FANCI: variants seen among roughly 807,000 people sequenced by gnomAD.
The protein encoded by FANCI is Fanconi anemia group I protein.
Under a neutral mutation model 176.1 loss-of-function variants are expected in FANCI, and 156 were observed. The observed-to-expected ratio is 0.89, with a 90% CI of 0.78 to 1.01. FANCI has a LOEUF of 1.01. FANCI is among the 50% of genes least tolerant of loss of function. The pLI, the probability that FANCI is intolerant of heterozygous loss-of-function variation, is 0.00. For synonymous variants in FANCI, 613 were observed against 541.7 expected (o/e 1.13, Z -1.83); for missense variants, 1,678 against 1,534.1 (o/e 1.09, Z -1.57).
chr15:89,299,622 G>T (rs1311332575), intron 24 of FANCI, among the ~76,000 whole-genome samples, 178 bp from the exon 25 acceptor site: 3 of 152,204 alleles, frequency 2.0e-5, no homozygotes, highest in African/African-American at 2.4e-5. Flanking sequence ...TTGACTATCA[G>T]TGAGCACAAG....
In FANCI at chr15:89,281,240, T is replaced by G; in HGVS notation, c.1452T>G (p.Ala484=). Residue 484 remains alanine, a synonymous_variant, in exon 15 of 38, where the codon GCT becomes GCG. Coordinates refer to ENST00000310775, the MANE Select transcript of FANCI (RefSeq NM_001113378.2). ...GTTGTTCTTCTAAAGTCACAGAAGC[T>G]TTTGACTATTTGTCCTTTCTGCCCC... ...LQSCSSKVTE[A]FDYLSFLPLQ... 6.2e-7 allele frequency: 1 copy of G among 1,613,946 alleles called. No individual in the cohort carries two copies. The highest frequency in any genetic ancestry group is 8.5e-7 in the Non-Finnish European group (1 of 1,179,858).
At chr15:89,311,482 G>T (rs1224098338) in intron 34 of FANCI, among the ~76,000 whole-genome samples, 2 of 152,002 alleles carry the variant, frequency 1.3e-5, no homozygotes, top group Non-Finnish European at 2.9e-5. Flanking sequence ...GTTGGAATGG[G>T]CAGGGAACAG....
At chr15:89,307,556 A>T in intron 33 of FANCI, 27 bp downstream of exon 33, 1 of 1,614,152 alleles carries the variant, frequency 6.2e-7, no homozygotes, top group Non-Finnish European at 8.5e-7. Flanking sequence ...TTTCCTAGGA[A>T]TGGGGGAAGC....
chr15:89,282,505 A>C (rs1049372608), intron 16 of FANCI: 7 of 162,866 alleles, frequency 4.3e-5, no homozygotes, highest in Admixed American at 1.7e-4. Context: ...CTTTGAGGAT[A>C]AGATGCCCAA....
rs577981028 is a variant in FANCI, at chr15:89,281,450, A to G, written c.1512+150A>G. ...AAATTTGCATTAAAAGGGCAAGAGC[A>G]TTGAGCAAGACTGTTTTCCAGGTTT... On this transcript the variant is annotated intron_variant, in intron 15 of 37. Transcript: ENST00000310775. 413 of 944,326 alleles carry G rather than the reference A, an allele frequency of 4.4e-4. 3 individuals are homozygous for G. The highest frequency in any genetic ancestry group is 6.7e-5 in the Non-Finnish European group (41 of 607,630). 58.5% of individuals were successfully genotyped at this position (944,326 alleles called of 1,614,324 possible). A position where few individuals can be genotyped will look rare whatever the true frequency, so the allele number is the denominator to read the frequency against.
intron 19 of FANCI, chr15:89,290,587 C>A: frequency 3.5e-6 from 1 of 282,134 alleles, no homozygotes; most frequent in Non-Finnish European, 6.8e-6. Context: ...TGTTATATTT[C>A]TGAAAGAAAA....
chr15:89,281,386 A>G (rs1212533675), intron 15 of FANCI, 86 bp downstream of exon 15: 30 of 1,489,606 alleles, frequency 2.0e-5, no homozygotes, highest in Non-Finnish European at 2.8e-5. Flanking sequence ...ATAAATATAT[A>G]TGTCTAAGAA....
At chr15:89,298,138 G>A (rs940268731) in intron 24 of FANCI, among the ~76,000 whole-genome samples, 1 of 151,730 alleles carries the variant, frequency 6.6e-6, no homozygotes, top group Non-Finnish European at 1.5e-5. Flanking sequence ...TAGAAGAAGT[G>A]AACAACACTG....
rs772465377 is a variant in FANCI at position 89,276,852 on chromosome 15, A to G, written c.1254A>G (p.Ala418=). The stretch of plus-strand genomic sequence containing the variant: ...TTTCTAGAATGCCAAACCAGCATGC[A>G]TGTAAGCTCGGAGCTAATATCCTGT... ...PSLSRMPNQH[A]CKLGANILLE... Residue 418 remains alanine, a synonymous_variant, in exon 13 of 38, where the codon GCA becomes GCG. Transcript: ENST00000310775. The G allele has an allele frequency of 6.2e-7, 1 of 1,614,106 alleles. No homozygotes were observed. Among genetic ancestry groups the G allele is most frequent in the Non-Finnish European group, 8.5e-7 (1 of 1,180,046 alleles).
chr15:89,267,896 C>T (rs1044407954), intron 9 of FANCI, among the ~76,000 whole-genome samples: 1 of 152,106 alleles, frequency 6.6e-6, no homozygotes, highest in Non-Finnish European at 1.5e-5. Context: ...CATTGCACAC[C>T]AGCCTGAGTG....
intron 10 of FANCI, among the ~76,000 whole-genome samples, chr15:89,269,476 T>C (rs899936378): frequency 2.0e-5 from 3 of 152,344 alleles, no homozygotes; most frequent in Non-Finnish European, 4.4e-5. Context: ...CTTTCTAGTT[T>C]TAGACTGATT....
In FANCI at chr15:89,293,815, CT is replaced by C. The variant is rs749872993; in HGVS notation, c.2292-12del. On this transcript the variant is annotated splice_polypyrimidine_tract_variant and intron_variant, in intron 22 of 37. Transcript: ENST00000310775. The stretch of plus-strand genomic sequence containing the variant: ...TTCTGATGTTTGTCCTTAGCGGTCT[CT>C]TTTTTGTTTTTTACAGTAAGAATAG... The C allele has an allele frequency of 6.2e-7, 1 of 1,612,552 alleles. No homozygotes were observed. The highest frequency in any genetic ancestry group is 8.5e-7 in the Non-Finnish European group (1 of 1,179,450).
In FANCI at chr15:89,264,040, A is replaced by G. The variant is rs369804967; in HGVS notation, c.669+14A>G. 159 of 1,613,830 alleles carry G rather than the reference A, an allele frequency of 9.9e-5. No individual in the cohort carries two copies. The highest frequency in any genetic ancestry group is 1.2e-4 in the Non-Finnish European group (140 of 1,179,904). ...CTCTCCTCCAAGGTACAAATGGAAA[A>G]TTGTTTCTCCTTAGTTCTGGTGGTA... is the stretch of plus-strand genomic sequence containing the variant. On this transcript the variant is annotated intron_variant, in intron 8 of 37. Coordinates refer to ENST00000310775, the MANE Select transcript of FANCI (RefSeq NM_001113378.2).
chr15:89,260,452 G>A (rs2052667176), intron 3 of FANCI, among the ~76,000 whole-genome samples: 1 of 152,204 alleles, frequency 6.6e-6, no homozygotes. Context: ...CTCAAAAGCT[G>A]TAAGACCTAT....
chr15:89,267,696 G>T (rs1323943804), intron 9 of FANCI, among the ~76,000 whole-genome samples: 1 of 152,162 alleles, frequency 6.6e-6, no homozygotes, highest in Non-Finnish European at 1.5e-5. Context: ...GGAGGCTGAG[G>T]CATGAGAATC....
chr15:89,265,098 A>G (rs1452867874), intron 9 of FANCI, among the ~76,000 whole-genome samples: 2 of 152,262 alleles, frequency 1.3e-5, no homozygotes, highest in African/African-American at 2.4e-5. Flanking sequence ...AGCCTGAATG[A>G]TAAGATCCAT....
In FANCI at chr15:89,281,221, C is replaced by A; in HGVS notation, c.1433C>A (p.Ser478Tyr). ...GCACCCTTAGTTCTTCAAAGTTGTT[C>A]TTCTAAAGTCACAGAAGCTTTTGAC... is the stretch of plus-strand genomic sequence containing the variant. ...MYAPLVLQSC[S>Y]SKVTEAFDYL... Residue 478 changes from serine (S) to tyrosine (Y), a missense_variant, in exon 15 of 38, where the codon TCT (serine) becomes TAT (tyrosine). Coordinates refer to ENST00000310775, the MANE Select transcript of FANCI (RefSeq NM_001113378.2). The A allele has an allele frequency of 6.2e-7, 1 of 1,613,846 alleles. No homozygotes were observed. The highest frequency in any genetic ancestry group is 8.5e-7 in the Non-Finnish European group (1 of 1,179,834).
chr15:89,305,323 C>G lies in FANCI; in HGVS notation c.3187-18C>G, dbSNP rs768809551. 2 of 1,614,112 alleles carry G rather than the reference C, an allele frequency of 1.2e-6. No individual in the cohort carries two copies. The highest frequency in any genetic ancestry group is 2.7e-5 in the African/African-American group (2 of 74,936). On this transcript the variant is annotated intron_variant, in intron 29 of 37. Transcript: ENST00000310775. ...CAACCTTACTGTCATTAGGTCTCAC[C>G]TCTCTTCTTTTCCCCAGGATGTAGA... is the stretch of plus-strand genomic sequence containing the variant.
At chr15:89,309,947 C>CCT (rs1309177802) in intron 34 of FANCI, among the ~76,000 whole-genome samples, 1 of 152,160 alleles carries the variant, frequency 6.6e-6, no homozygotes, top group Non-Finnish European at 1.5e-5. Context: ...GCTTAGAGAA[C>CCT]CTCTACCTTG....
Sources: allele counts gnomAD v4.1 joint callset (sites outside exome capture counted in the v4.1 genomes callset), GRCh38; gene constraint gnomAD v4.1.1; transcripts MANE v1.5; gene names NCBI Gene and HGNC (gene_info 2026-07-23, HGNC 2026-07-21).